Variants in FBN1 observed in about 807,000 individuals in gnomAD.
FBN1 encodes the protein fibrillin 1.
A neutral mutation model predicts 365.1 loss-of-function variants in FBN1; 29 were observed. The observed-to-expected ratio is 0.08, with a 90% CI of 0.06 to 0.11. FBN1 has a LOEUF of 0.11. Among genes scored for constraint, FBN1 ranks in the 10% least tolerant of loss-of-function variants. The pLI is 1.00. For missense variants in FBN1, 2,476 were observed against 3,703.2 expected, an observed-to-expected ratio of 0.67 and a Z score of 8.60; for synonymous variants, 1,210 against 1,270.5, an observed-to-expected ratio of 0.95 and a Z score of 1.01.
Position 48,496,169 on chromosome 15 carries a change from T to C in FBN1, c.2350A>G (p.Thr784Ala). 2 of 1,613,758 alleles carry C rather than the reference T, an allele frequency of 1.2e-6. No individual in the cohort carries two copies. Among genetic ancestry groups the C allele is most frequent in the Non-Finnish European group, 1.7e-6 (2 of 1,179,788 alleles). ...CAGGTACAGACAAAACTTCCAGGAGTATTTCTACATTGTCCATTGTCACAA... is the reference window on the plus strand; with the variant it reads ...CAGGTACAGACAAAACTTCCAGGAGCATTTCTACATTGTCCATTGTCACAA... ...LLCDNGQCRN[T>A]PGSFVCTCPK... Residue 784 changes from threonine to alanine, a missense_variant, in exon 20 of 66, where the codon ACT becomes GCT. Around this residue, in one of 5 missense-constraint regions of FBN1, gnomAD observed 1,780 missense variants for 2,840.8 expected, o/e 0.63. Coordinates refer to ENST00000316623, the MANE Select transcript of FBN1 (RefSeq NM_000138.5).
At chr15:48,532,728 C>T (rs939363831) in intron 8 of FBN1, among the ~76,000 whole-genome samples, 1 of 152,104 alleles carries the variant, frequency 6.6e-6, no homozygotes, top group African/African-American at 2.4e-5. Flanking sequence ...GAGTTCTTTG[C>T]CCCTTTCAGT....
At chr15:48,486,887 G>A (rs1239883212) in intron 29 of FBN1, among the ~76,000 whole-genome samples, 188 bp downstream of exon 29, 1 of 152,004 alleles carries the variant, frequency 6.6e-6, no homozygotes. Context: ...CAAAGATCGT[G>A]AGCCACTATA....
chr15:48,583,556 C>T (rs186116272), intron 6 of FBN1, among the ~76,000 whole-genome samples: 2 of 152,284 alleles, frequency 1.3e-5, no homozygotes, highest in East Asian at 3.9e-4. Flanking sequence ...GTGTCTATTA[C>T]CTCTCATTGA....
At chr15:48,488,298 G>A (rs929693920) in intron 26 of FBN1, 57 bp from the exon 27 acceptor site, 21 of 1,612,882 alleles carry the variant, frequency 1.3e-5, no homozygotes, top group East Asian at 2.2e-5. Flanking sequence ...TAATTCTTGC[G>A]ACAATATGTT....
chr15:48,485,404 C>T lies in FBN1; in HGVS notation c.3682G>A (p.Ala1228Thr). ...CATGATCTCTGGTCAGGCATTAGTG[C>T]AAATCCCGGCTGACAGCTACATTCA... ...SYECSCQPGF[A>T]LMPDQRSCTD... Residue 1228 changes from alanine (A) to threonine (T), a missense_variant, in exon 30 of 66, where the codon GCA becomes ACA. Ala to Thr is a moderately conservative substitution (Grantham distance 58). Transcript: ENST00000316623. The T allele has an allele frequency of 6.2e-7, 1 of 1,614,190 alleles. No homozygotes were observed. The highest frequency in any genetic ancestry group is 8.5e-7 in the Non-Finnish European group (1 of 1,180,022).
chr15:48,423,466 C>G (rs947698514), intron 60 of FBN1, among the ~76,000 whole-genome samples: 3 of 152,188 alleles, frequency 2.0e-5, no homozygotes, highest in African/African-American at 7.2e-5. Flanking sequence ...GTTCAGCTTT[C>G]TCAGAGTCTG....
At chr15:48,613,405 CA>C (rs1566938258) in intron 2 of FBN1, among the ~76,000 whole-genome samples, 1 of 152,098 alleles carries the variant, frequency 6.6e-6, no homozygotes, top group Non-Finnish European at 1.5e-5. Flanking sequence ...TAAACTTAAA[CA>C]ATAAATTTCT....
chr15:48,455,552 C>A (rs184023267), intron 44 of FBN1, among the ~76,000 whole-genome samples: 1 of 152,172 alleles, frequency 6.6e-6, no homozygotes, highest in Non-Finnish European at 1.5e-5. Context: ...GATCATCTGC[C>A]GTGGGTTCCC....
chr15:48,457,673 GTAATAGTAT>G (rs1378534536), intron 43 of FBN1, among the ~76,000 whole-genome samples: 1 of 152,044 alleles, frequency 6.6e-6, no homozygotes, highest in Non-Finnish European at 1.5e-5. Context: ...AGTAATAATG[GTAATAGTAT>G]TAATAGTGAC....
At chr15:48,558,209 C>G (rs924125836) in intron 6 of FBN1, among the ~76,000 whole-genome samples, 1 of 152,190 alleles carries the variant, frequency 6.6e-6, no homozygotes, top group Non-Finnish European at 1.5e-5. Context: ...TTTCCTTCAG[C>G]CATTTCCTAT....
At chr15:48,597,707 GC>G (rs2044526735) in intron 5 of FBN1, among the ~76,000 whole-genome samples, 1 of 152,210 alleles carries the variant, frequency 6.6e-6, no homozygotes, top group African/African-American at 2.4e-5. Flanking sequence ...ATGGCAGGAG[GC>G]CATTACTCAT....
intron 23 of FBN1, among the ~76,000 whole-genome samples, chr15:48,493,332 G>A (rs1478279615): frequency 1.3e-5 from 2 of 152,046 alleles, no homozygotes; most frequent in Non-Finnish European, 2.9e-5. Context: ...AAAAGAGGGG[G>A]GAACATTAGC....
rs762324691 is a variant in FBN1, at chr15:48,444,641, T to C, written c.5937A>G (p.Leu1979=). 6.2e-7 allele frequency: 1 copy of C among 1,613,548 alleles called. No homozygotes were observed. Among genetic ancestry groups the C allele is most frequent in the South Asian group, 1.1e-5 (1 of 91,078 alleles). ...RTCVDINECL[L]EPRKCAPGTC... ...TACCTGGTGCACATTTTCTGGGTTCTAGAAGACATTCATTGATATCTGCAA... is the reference window on the plus strand; with the variant it reads ...TACCTGGTGCACATTTTCTGGGTTCCAGAAGACATTCATTGATATCTGCAA... The change falls in exon 49 of 66, where the codon CTA becomes CTG. Residue 1979 remains leucine (L), a synonymous_variant. Coordinates refer to ENST00000316623, the MANE Select transcript of FBN1 (RefSeq NM_000138.5).
chr15:48,434,178 C>T (rs1288547334), intron 54 of FBN1, among the ~76,000 whole-genome samples: 2 of 151,940 alleles, frequency 1.3e-5, no homozygotes, highest in Non-Finnish European at 2.9e-5. Flanking sequence ...CAAATGGCTA[C>T]AGGATGATGG....
intron 24 of FBN1, among the ~76,000 whole-genome samples, chr15:48,491,504 C>T (rs2043558164): frequency 6.6e-6 from 1 of 152,112 alleles, no homozygotes; most frequent in African/African-American, 2.4e-5. Context: ...GTGCCCGCCA[C>T]CGTGCCTGGC....
chr15:48,467,015 AT>A, intron 38 of FBN1, among the ~76,000 whole-genome samples: 1 of 152,204 alleles, frequency 6.6e-6, no homozygotes, highest in Middle Eastern at 3.4e-3. Flanking sequence ...GAGTGATTTC[AT>A]TTAATCCTAT....
chr15:48,530,724 A>G (rs1388447418), intron 8 of FBN1, among the ~76,000 whole-genome samples: 1 of 152,176 alleles, frequency 6.6e-6, no homozygotes, highest in East Asian at 1.9e-4. Context: ...AGCCCCTAAC[A>G]GTAAGTAGCC....
chr15:48,596,614 G>C (rs1360473084), intron 5 of FBN1, among the ~76,000 whole-genome samples: 1 of 152,224 alleles, frequency 6.6e-6, no homozygotes, highest in Non-Finnish European at 1.5e-5. Context: ...ATTCCGTGAA[G>C]CATCTGAGCA....
rs538884157 is a variant in FBN1 at position 48,643,204 on chromosome 15, A to AGC, written c.164+1400_164+1401dup. On this transcript the variant is annotated intron_variant, in intron 2 of 65. Coordinates refer to ENST00000316623, the MANE Select transcript of FBN1 (RefSeq NM_000138.5). ...CCTCTTGAGAACATATGAAAATCAG[A>AGC]GCCTCAGTCTACTTATTGAACTTGC... is the stretch of plus-strand genomic sequence containing the variant. 56 of 152,346 alleles carry AGC rather than the reference A, an allele frequency of 3.7e-4. 1 individual carries two copies. The East Asian group carries it at 4.0e-3, about 11-fold the overall frequency. The allele number at this position is 152,346 out of a possible 1,614,324, so 9.4% of individuals were successfully genotyped here.
Sources: gnomAD v4.1 joint callset for allele counts (sites outside exome capture counted in the v4.1 genomes callset) on GRCh38, gnomAD v4.1.1 for gene constraint, gnomAD v4.1.1 regional missense constraint, MANE v1.5 for transcripts, NCBI Gene and HGNC (gene_info 2026-07-23, HGNC 2026-07-21) for gene names.